CSMD1: variants seen among roughly 807,000 people sequenced by gnomAD.
CSMD1 encodes CUB and sushi domain-containing protein 1.
Under a neutral mutation model 417.5 loss-of-function variants are expected in CSMD1, and 213 were observed. That is an observed-to-expected ratio of 0.51 (90% CI 0.46 to 0.57). The LOEUF (loss-of-function observed/expected upper bound fraction) is 0.57. Among genes scored for constraint, CSMD1 ranks in the 20% least tolerant of loss-of-function variants. The pLI is 0.00. For synonymous variants in CSMD1, 2,862 were observed against 1,736.8 expected (o/e 1.65, Z -16.11); for missense variants, 6,923 against 4,529.7 (o/e 1.53, Z -15.17).
intron 11 of CSMD1, among the ~76,000 whole-genome samples, chr8:3,475,191 G>C (rs987583948): frequency 2.8e-5 from 4 of 141,780 alleles, no homozygotes; most frequent in East Asian, 3.2e-4. Flanking sequence ...AGCCAGATTA[G>C]GATTTTTGCC....
chr8:3,653,545 G>C lies in CSMD1; in HGVS notation c.1010-36748C>G, dbSNP rs141336164. On this transcript the variant is annotated intron_variant, in intron 7 of 69. Coordinates refer to ENST00000635120, the MANE Select transcript of CSMD1 (RefSeq NM_033225.6). The stretch of plus-strand genomic sequence containing the variant: ...GCTGGTCTCGAACTCCTGACCTCAA[G>C]TAATCAGCGCACCTCAGCCTCCCAA... Among the ~76,000 whole-genome samples the C allele has an allele frequency of 3.8e-3, 577 of 152,276 alleles. 4 individuals carry two copies. Among genetic ancestry groups the C allele is most frequent in the African/African-American group, 0.014 (567 of 41,556 alleles).
intron 41 of CSMD1, 72 bp from the exon 42 acceptor site, chr8:3,118,659 T>C (rs895132522): frequency 1.0e-5 from 14 of 1,364,532 alleles, no homozygotes; most frequent in Admixed American, 1.9e-5. Context: ...TGCAGGAGTG[T>C]CATCACATGT....
At chr8:4,643,853 G>A (rs1803353685) in intron 1 of CSMD1, among the ~76,000 whole-genome samples, 1 of 152,174 alleles carries the variant, frequency 6.6e-6, no homozygotes, top group East Asian at 1.9e-4. Context: ...AGGGTTTTCA[G>A]AATTAAAGTC....
chr8:4,186,778 G>A (rs1232575490), intron 3 of CSMD1, among the ~76,000 whole-genome samples: 1 of 151,632 alleles, frequency 6.6e-6, no homozygotes, highest in Non-Finnish European at 1.5e-5. Flanking sequence ...CTTGAGGTCA[G>A]GAGTTCAAGA....
chr8:4,356,041 T>C (rs575382771), intron 3 of CSMD1, among the ~76,000 whole-genome samples: 104 of 152,326 alleles, frequency 6.8e-4, no homozygotes, highest in Non-Finnish European at 1.2e-3. Context: ...TGGGAGATCC[T>C]GGTGCACTCA....
chr8:4,377,869 G>A (rs1408307248), intron 3 of CSMD1, among the ~76,000 whole-genome samples: 1 of 152,146 alleles, frequency 6.6e-6, no homozygotes, highest in Non-Finnish European at 1.5e-5. Context: ...TGTGATTACT[G>A]CCGAAATGAA....
chr8:2,949,475 G>C (rs1802477298), intron 67 of CSMD1, 89 bp from the exon 68 acceptor site: 1 of 613,418 alleles, frequency 1.6e-6, no homozygotes, highest in Admixed American at 3.4e-5. Context: ...TAATACAACT[G>C]TTATATCTCA....
chr8:4,864,749 G>C (rs1198345652), intron 1 of CSMD1, among the ~76,000 whole-genome samples: 1 of 151,552 alleles, frequency 6.6e-6, no homozygotes, highest in Non-Finnish European at 1.5e-5. Context: ...TTCCATATGA[G>C]TCATAACAAT....
At chr8:4,363,960 G>T (rs1801924066) in intron 3 of CSMD1, among the ~76,000 whole-genome samples, 1 of 152,138 alleles carries the variant, frequency 6.6e-6, no homozygotes, top group Non-Finnish European at 1.5e-5. Flanking sequence ...AAGAAAGAAT[G>T]AGTAAGACCT....
chr8:4,731,070 T>C (rs1462354187), intron 1 of CSMD1, among the ~76,000 whole-genome samples: 6 of 152,200 alleles, frequency 3.9e-5, no homozygotes, highest in Non-Finnish European at 7.3e-5. Context: ...TCTTGACTCC[T>C]GCTGAGAGAG....
intron 26 of CSMD1, among the ~76,000 whole-genome samples, chr8:3,270,745 G>C (rs1801784101): frequency 6.6e-6 from 1 of 152,034 alleles, no homozygotes; most frequent in South Asian, 2.1e-4. Context: ...AGAGGGGAAG[G>C]AACTTTGCTA....
intron 7 of CSMD1, among the ~76,000 whole-genome samples, chr8:3,628,383 A>T (rs1433218508): frequency 2.6e-5 from 4 of 152,226 alleles, no homozygotes; most frequent in Non-Finnish European, 1.5e-5. Flanking sequence ...TTACCAGAGC[A>T]CAGGCCCGTA....
intron 2 of CSMD1, among the ~76,000 whole-genome samples, chr8:4,492,275 A>G (rs1005759606): frequency 8.5e-5 from 13 of 152,124 alleles, no homozygotes; most frequent in African/African-American, 3.1e-4. Flanking sequence ...TGTTTTGTCT[A>G]CACGGGATCT....
chr8:3,245,764 G>C (rs1299636206), intron 26 of CSMD1, among the ~76,000 whole-genome samples: 2 of 152,190 alleles, frequency 1.3e-5, no homozygotes, highest in African/African-American at 4.8e-5. Flanking sequence ...AACGGACTAT[G>C]TGTTGACCAA....
At chr8:4,411,946 A>G (rs548071191) in intron 3 of CSMD1, among the ~76,000 whole-genome samples, 3 of 152,210 alleles carry the variant, frequency 2.0e-5, no homozygotes, top group Admixed American at 1.3e-4. Flanking sequence ...ATAGTACTAG[A>G]ACTTACGATT....
chr8:4,439,246 CTATTAAACAA>C (rs1224437423), intron 2 of CSMD1, among the ~76,000 whole-genome samples: 3 of 152,140 alleles, frequency 2.0e-5, no homozygotes, highest in East Asian at 3.9e-4. Flanking sequence ...TATATTGCTT[CTATTAAACAA>C]ATTAAACAAC....
intron 8 of CSMD1, among the ~76,000 whole-genome samples, chr8:3,596,777 AACACACACACTC>A (rs141060986): frequency 0.18 from 26,893 of 151,940 alleles, 2,910 homozygotes; most frequent in East Asian, 0.3. Flanking sequence ...GGCACACACA[AACACACACACTC>A]ACACACACAT....
intron 7 of CSMD1, among the ~76,000 whole-genome samples, chr8:3,638,056 G>A (rs1293659094): frequency 2.6e-5 from 4 of 152,042 alleles, no homozygotes; most frequent in Admixed American, 2.0e-4. Flanking sequence ...TGTCCTTATA[G>A]GAGCATGGCT....
intron 2 of CSMD1, among the ~76,000 whole-genome samples, chr8:4,542,106 T>C (rs555946014): frequency 2.4e-4 from 37 of 152,132 alleles, no homozygotes; most frequent in Non-Finnish European, 4.9e-4. Context: ...TGCTCATTTC[T>C]GGACAATGAA....
Sources: gnomAD v4.1 joint callset for allele counts (sites outside exome capture counted in the v4.1 genomes callset) on GRCh38, gnomAD v4.1.1 for gene constraint, MANE v1.5 for transcripts, NCBI Gene and HGNC (gene_info 2026-07-23, HGNC 2026-07-21) for gene names.